Variants in PDE10A observed in about 807,000 individuals in gnomAD.
The protein encoded by PDE10A is cAMP and cAMP-inhibited cGMP 3',5'-cyclic phosphodiesterase 10A.
A neutral mutation model predicts 97.7 loss-of-function variants in PDE10A; 39 were observed. That is an observed-to-expected ratio of 0.40 (90% CI 0.31 to 0.52). PDE10A has a LOEUF of 0.52. Ranked by LOEUF, PDE10A falls within the 20% of genes least tolerant of loss-of-function variation. PDE10A has a pLI of 0.56. For synonymous variants in PDE10A, 371 were observed against 376.8 expected, an observed-to-expected ratio of 0.98 and a Z score of 0.18; for missense variants, 731 against 1,047.8, an observed-to-expected ratio of 0.70 and a Z score of 4.17.
rs375521957 is a variant in PDE10A, at chr6:165,435,361, G to A, written c.1211C>T (p.Thr404Met). 8.7e-6 allele frequency: 14 copies of A among 1,613,828 alleles called. No individual in the cohort carries two copies. The highest frequency in any genetic ancestry group is 2.7e-5 in the African/African-American group (2 of 74,890). The change falls in exon 6 of 22, where the codon ACG becomes ATG. Residue 404 changes from threonine to methionine, a missense_variant. Physicochemically the swap from Thr to Met is moderately conservative, Grantham distance 81. Transcript: ENST00000539869. Reference protein sequence around the residue: ...GECNNSLCIFTPPGIKEGKPR... With the variant: ...GECNNSLCIFMPPGIKEGKPR... ...TTTTCCTTCCTTTATCCCAGGTGGCGTGAATATACACAGGCTCTAGGGAGA... is the reference window on the plus strand; with the variant it reads ...TTTTCCTTCCTTTATCCCAGGTGGCATGAATATACACAGGCTCTAGGGAGA...
chr6:165,551,584 A>G (rs1173289281), intron 1 of PDE10A, among the ~76,000 whole-genome samples: 2 of 152,194 alleles, frequency 1.3e-5, no homozygotes, highest in African/African-American at 4.8e-5. Context: ...GCAGTTTTCT[A>G]TTGGCCACAG....
At chr6:165,546,358 A>C (rs7772901) in intron 1 of PDE10A, among the ~76,000 whole-genome samples, 44,650 of 151,820 alleles carry the variant, frequency 0.29, 7,192 homozygotes, top group African/African-American at 0.43. Context: ...TGACACTATG[A>C]ATTTGCCAAA....
chr6:165,544,056 A>G (rs1158772735), intron 1 of PDE10A, among the ~76,000 whole-genome samples: 1 of 152,184 alleles, frequency 6.6e-6, no homozygotes, highest in African/African-American at 2.4e-5. Flanking sequence ...TTTTTTCGGT[A>G]TATAGTTACC....
In PDE10A at chr6:165,953,937, C is replaced by T. The variant is rs115206435; in HGVS notation, c.-615+33592G>A. Among the ~76,000 whole-genome samples, 567 of 152,306 alleles carry T rather than the reference C, an allele frequency of 3.7e-3. 4 individuals carry two copies. The highest frequency in any genetic ancestry group is 0.013 in the African/African-American group (547 of 41,564). ...CTCTTCATCTCTCCATCCTCCCGAG[C>T]CCCGGCAACCACTGATCTTTTTAAT... On this transcript the variant is annotated intron_variant, in intron 1 of 19. Coordinates refer to the PDE10A transcript ENST00000366882.
intron 1 of PDE10A, among the ~76,000 whole-genome samples, chr6:165,805,903 G>A (rs1779123467): frequency 3.3e-5 from 5 of 152,062 alleles, no homozygotes; most frequent in Middle Eastern, 3.4e-3. Context: ...CCATCTCCCC[G>A]AGCCAGTTCC....
At chr6:165,371,663 T>A (rs1447280808) in intron 18 of PDE10A, among the ~76,000 whole-genome samples, 1 of 152,156 alleles carries the variant, frequency 6.6e-6, no homozygotes, top group East Asian at 1.9e-4. Context: ...GAGGAACTGG[T>A]ACCATTCCTT....
intron 1 of PDE10A, among the ~76,000 whole-genome samples, chr6:165,642,420 G>A (rs1430152511): frequency 2.6e-5 from 4 of 152,206 alleles, no homozygotes; most frequent in Non-Finnish European, 5.9e-5. Context: ...GACTCAGGCT[G>A]TATTTAGGAG....
chr6:165,388,215 G>T lies in PDE10A; in HGVS notation c.2610+83C>A. The T allele has an allele frequency of 8.1e-7, 1 of 1,234,826 alleles. No individual in the cohort carries two copies. 76.5% of individuals were successfully genotyped at this position (1,234,826 alleles called of 1,614,324 possible). On this transcript the variant is annotated intron_variant, in intron 17 of 21. Transcript: ENST00000539869. This position sits in a 1 kb window ranked among gnomAD's most constrained non-coding sequence, Gnocchi z 4.0. ...CTGTTGCTTTTAAGGAAGCCATAATGATCTTCCTTTTCCACCTATGAAGTA... is the reference window on the plus strand; with the variant it reads ...CTGTTGCTTTTAAGGAAGCCATAATTATCTTCCTTTTCCACCTATGAAGTA...
chr6:165,439,175 A>G (rs1278995015), intron 5 of PDE10A, among the ~76,000 whole-genome samples: 3 of 152,202 alleles, frequency 2.0e-5, no homozygotes, highest in Admixed American at 1.3e-4. Context: ...CTATTTTCAT[A>G]GAAGGATGAA....
chr6:165,373,623 A>G (rs1342441260), intron 18 of PDE10A, among the ~76,000 whole-genome samples: 1 of 152,140 alleles, frequency 6.6e-6, no homozygotes, highest in Non-Finnish European at 1.5e-5. Flanking sequence ...ACACTTTTAC[A>G]CTGTTGGTGG....
At chr6:165,543,888 G>GTA (rs953858192) in intron 1 of PDE10A, among the ~76,000 whole-genome samples, 31 of 152,068 alleles carry the variant, frequency 2.0e-4, no homozygotes, top group Non-Finnish European at 4.1e-4. Context: ...GTGTGTGTGT[G>GTA]TGTATGACCA....
At chr6:165,544,068 C>T (rs2128324035) in intron 1 of PDE10A, among the ~76,000 whole-genome samples, 1 of 152,206 alleles carries the variant, frequency 6.6e-6, no homozygotes, top group African/African-American at 2.4e-5. Context: ...ATAGTTACCA[C>T]AGATTTAGTG....
At chr6:165,342,211 C>T (rs971474178) in intron 19 of PDE10A, among the ~76,000 whole-genome samples, 1 of 151,932 alleles carries the variant, frequency 6.6e-6, no homozygotes, top group Admixed American at 6.6e-5. Context: ...ATATGTTGTT[C>T]TGTATTTTTG....
chr6:165,342,799 A>T (rs1782051763), intron 19 of PDE10A, among the ~76,000 whole-genome samples: 1 of 152,230 alleles, frequency 6.6e-6, no homozygotes, highest in Non-Finnish European at 1.5e-5. Flanking sequence ...TCCATCAGCA[A>T]ATTGAGCAGT....
rs139231732 is a variant in PDE10A at position 165,955,089 on chromosome 6, C to T, written c.-615+32440G>A. ...GTCGCCGTTTCCGTGACAGCTCCTCCGCTGCCATCACGGCCTCTATGCCAC... is the reference window on the plus strand; with the variant it reads ...GTCGCCGTTTCCGTGACAGCTCCTCTGCTGCCATCACGGCCTCTATGCCAC... On this transcript the variant is annotated intron_variant, in intron 1 of 19. Coordinates refer to the PDE10A transcript ENST00000366882. Among the ~76,000 whole-genome samples the T allele has an allele frequency of 2.6e-5, 4 of 152,206 alleles. No homozygotes were observed. The East Asian group carries it at 5.9e-4, about 22-fold the overall frequency.
chr6:165,924,652 C>T (rs1196493802), intron 1 of PDE10A, among the ~76,000 whole-genome samples: 1 of 152,174 alleles, frequency 6.6e-6, no homozygotes, highest in Non-Finnish European at 1.5e-5. Flanking sequence ...TAGTGGTGGG[C>T]CAGCATCCTG....
intron 1 of PDE10A, among the ~76,000 whole-genome samples, chr6:165,891,066 C>T (rs760888057): frequency 9.2e-5 from 14 of 152,118 alleles, no homozygotes; most frequent in East Asian, 3.9e-4. Context: ...GGTTGAAGCC[C>T]GTGGAGAGGA....
chr6:165,890,655 C>T (rs1413815944), intron 1 of PDE10A, among the ~76,000 whole-genome samples: 1 of 152,180 alleles, frequency 6.6e-6, no homozygotes, highest in Admixed American at 6.5e-5. Flanking sequence ...CAAAGACGTT[C>T]CTGCCTTTAC....
chr6:165,417,411 T>G (rs1336854931), intron 11 of PDE10A, among the ~76,000 whole-genome samples: 1 of 152,202 alleles, frequency 6.6e-6, no homozygotes, highest in Non-Finnish European at 1.5e-5. Flanking sequence ...AAGCCATAAT[T>G]AAGAAGCCGC....
Sources: gnomAD v4.1 joint callset for allele counts (sites outside exome capture counted in the v4.1 genomes callset) on GRCh38, gnomAD v4.1.1 for gene constraint, Gnocchi (gnomAD v3.1) non-coding constraint, MANE v1.5 for transcripts, NCBI Gene and HGNC (gene_info 2026-07-23, HGNC 2026-07-21) for gene names.